Variants in GUCY2D observed in about 807,000 individuals in gnomAD.
GUCY2D encodes the protein guanylate cyclase 2D, retinal, also known as retinal guanylyl cyclase 1.
A neutral mutation model predicts 101.3 loss-of-function variants in GUCY2D; 70 were observed. That is an observed-to-expected ratio of 0.69 (90% confidence interval 0.57 to 0.84). The LOEUF (loss-of-function observed/expected upper bound fraction) is 0.84, where lower values mean the gene tolerates loss of function less well. Ranked by LOEUF, GUCY2D falls within the 40% of genes least tolerant of loss-of-function variation. The pLI is 0.00. For synonymous variants in GUCY2D, 688 were observed against 670.7 expected (o/e 1.03, Z -0.40); for missense variants, 1,460 against 1,542.5 (o/e 0.95, Z 0.90).
At position 8,011,762 on chromosome 17, in the gene GUCY2D, A is replaced by G. The variant is rs185569607; in HGVS notation, c.1750-382A>G. Among the ~76,000 whole-genome samples, 19 of 152,238 alleles carry G rather than the reference A, an allele frequency of 1.2e-4. No individual in the cohort carries two copies. Among genetic ancestry groups the G allele is most frequent in the African/African-American group, 4.6e-4 (19 of 41,540 alleles). ...GAGGATCACTTGAACCAAGGAATGA[A>G]AGGTAGCAGTGATTTATGATCATGC... On this transcript the variant is annotated intron_variant, in intron 8 of 19. Coordinates refer to ENST00000254854, the MANE Select transcript of GUCY2D (RefSeq NM_000180.4). The surrounding 1 kb of genome is among the most constrained non-coding windows in gnomAD (Gnocchi z 4.3).
intron 19 of GUCY2D, among the ~76,000 whole-genome samples, chr17:8,019,919 C>T (rs1174403418): frequency 1.3e-5 from 2 of 152,138 alleles, no homozygotes; most frequent in Non-Finnish European, 1.5e-5. Flanking sequence ...TGTGTTTACA[C>T]TACCTCTGCC....
At chr17:8,016,046 C>T (rs991275528) in intron 17 of GUCY2D, 25 bp downstream of exon 17, 3 of 1,566,898 alleles carry the variant, frequency 1.9e-6, no homozygotes, top group African/African-American at 2.7e-5. Flanking sequence ...CAACCCCTCC[C>T]GGAGGCCCCG....
intron 17 of GUCY2D, 41 bp downstream of exon 17, chr17:8,016,062 T>C (rs1598151720): frequency 6.6e-7 from 1 of 1,525,516 alleles, no homozygotes; most frequent in Non-Finnish European, 9.0e-7. Flanking sequence ...CCCCGCCCTG[T>C]CCTGAGGCAC....
intron 8 of GUCY2D, among the ~76,000 whole-genome samples, chr17:8,010,757 C>T (rs1000299743): frequency 3.5e-5 from 5 of 144,442 alleles, no homozygotes; most frequent in South Asian, 4.4e-4. Flanking sequence ...TGCAGTAAGC[C>T]GAGATCGCGG....
At chr17:8,016,153 C>T (rs1030743177) in intron 17 of GUCY2D, 52 bp from the exon 18 acceptor site, 52 of 1,358,854 alleles carry the variant, frequency 3.8e-5, no homozygotes, top group Non-Finnish European at 5.3e-5. Context: ...TCGAGATCCC[C>T]CACCCCTCAC....
rs1321356179 is a variant in GUCY2D, at chr17:8,006,481, T to C, written c.1145T>C (p.Ile382Thr). 1 of 1,607,384 alleles carries C rather than the reference T, an allele frequency of 6.2e-7. No individual in the cohort carries two copies. The highest frequency in any genetic ancestry group is 1.7e-5 in the Admixed American group (1 of 60,006). ...WVSGAAVARH[I>T]RDAQVPGFCG... ...TCCGGAGCAGCTGTGGCCCGCCACA[T>C]CCGGGATGCGCAGGTCCCTGGCTTC... Residue 382 changes from isoleucine to threonine, a missense_variant, in exon 4 of 20, where the codon ATC becomes ACC. Transcript: ENST00000254854.
In GUCY2D at chr17:8,007,098, G is replaced by A. The variant is rs770119513; in HGVS notation, c.1417G>A (p.Val473Met). ...PGLVFLGFLL[V>M]VGMGLAGAFL... ...CCTCGTCTTTCTTGGCTTCCTCCTGGTGGTTGGGATGGGGCTGGCTGGGGC... is the reference window on the plus strand; with the variant it reads ...CCTCGTCTTTCTTGGCTTCCTCCTGATGGTTGGGATGGGGCTGGCTGGGGC... Residue 473 changes from valine to methionine, a missense_variant, in exon 5 of 20, where the codon GTG (valine) becomes ATG (methionine). By Grantham distance (21) the Val-to-Met change is conservative (BLOSUM62 1). This residue lies in a region of GUCY2D where 1,196 missense variants were observed against 1,229.6 expected (regional missense o/e 0.97). Transcript: ENST00000254854. The A allele has an allele frequency of 2.5e-6, 4 of 1,614,192 alleles. No homozygotes were observed. In the East Asian group the frequency reaches 6.7e-5, roughly 27 times the overall value.
chr17:8,013,134 G>C lies in GUCY2D; in HGVS notation c.2145G>C (p.Arg715Ser). The stretch of plus-strand genomic sequence containing the variant: ...TGTGGACAGCCCCGGAGCTGCTTAG[G>C]GACCCAGCCCTGGAGCGCCGGGGAA... The part of the protein sequence containing the change: ...DQLWTAPELL[R>S]DPALERRGTL... The change falls in exon 11 of 20, where the codon AGG becomes AGC. Residue 715 changes from arginine to serine, a missense_variant. Arg to Ser is a moderately radical substitution (Grantham distance 110). Transcript: ENST00000254854. This position sits in a 1 kb window ranked among gnomAD's most constrained non-coding sequence, Gnocchi z 5.0. The C allele has an allele frequency of 6.2e-7, 1 of 1,613,642 alleles. No individual in the cohort carries two copies. The highest frequency in any genetic ancestry group is 8.5e-7 in the Non-Finnish European group (1 of 1,179,974).
chr17:8,006,629 T>C lies in GUCY2D; in HGVS notation c.1293T>C (p.Gly431=). ...CCCGGGGCTCCTTCCTCTCCGCCGG[T>C]ACCCGGATGCACTTCCCGCGTGGGG... is the stretch of plus-strand genomic sequence containing the variant. ...DPARGSFLSA[G]TRMHFPRGGS... The change falls in exon 4 of 20, where the codon GGT becomes GGC. Residue 431 remains glycine, a synonymous_variant. Transcript: ENST00000254854. 6.2e-7 allele frequency: 1 copy of C among 1,612,968 alleles called. No homozygotes were observed. Among genetic ancestry groups the C allele is most frequent in the Non-Finnish European group, 8.5e-7 (1 of 1,179,666 alleles).
At position 8,002,788 on chromosome 17, in the gene GUCY2D, A is replaced by G. The variant is rs1975649656; in HGVS notation, c.-10+54A>G. ...TAGGGTCGGTCTGAGGGCGCAGGCG[A>G]GTCCCTGCTGACCCCTGACGCCTCC... On this transcript the variant is annotated intron_variant, in intron 1 of 19. Coordinates refer to ENST00000254854, the MANE Select transcript of GUCY2D (RefSeq NM_000180.4). The surrounding 1 kb of genome is among the most constrained non-coding windows in gnomAD (Gnocchi z 4.9). 1 of 487,934 alleles carries G rather than the reference A, an allele frequency of 2.0e-6. No homozygotes were observed. Among genetic ancestry groups the G allele is most frequent in the Non-Finnish European group, 3.6e-6 (1 of 277,180 alleles). The allele number at this position is 487,934 out of a possible 1,614,324, so 30.2% of individuals were successfully genotyped here.
Position 8,007,054 on chromosome 17 carries a change from C to T in GUCY2D, c.1379-6C>T, listed in dbSNP as rs1221128063. On this transcript the variant is annotated splice_polypyrimidine_tract_variant and splice_region_variant and intron_variant, in intron 4 of 19. Coordinates refer to ENST00000254854, the MANE Select transcript of GUCY2D (RefSeq NM_000180.4). Reference sequence around the variant, plus strand: ...CTCAGTATACCTCCTGTCACTGTCCCTTCAGGACTGGAGCCGGGCCTCGTC... The same window carrying T: ...CTCAGTATACCTCCTGTCACTGTCCTTTCAGGACTGGAGCCGGGCCTCGTC... 2 of 1,612,624 alleles carry T rather than the reference C, an allele frequency of 1.2e-6. No homozygotes were observed. The highest frequency in any genetic ancestry group is 1.1e-5 in the South Asian group (1 of 91,062).
rs1975926047 is a variant in GUCY2D at position 8,014,681 on chromosome 17, G to A, written c.2493G>A (p.Leu831=). 1.9e-6 allele frequency: 3 copies of A among 1,614,022 alleles called. No individual in the cohort carries two copies. The highest frequency in any genetic ancestry group is 2.5e-6 in the Non-Finnish European group (3 of 1,179,930). ...TGCTGGAGCAGTACTCTAGTAACCT[G>A]GAGGATCTGATCCGGGAGCGCACGG... ...LRMLEQYSSN[L]EDLIRERTEE... Residue 831 remains leucine (L), a synonymous_variant, in exon 13 of 20, where the codon CTG becomes CTA. Transcript: ENST00000254854. The surrounding 1 kb of genome is among the most constrained non-coding windows in gnomAD (Gnocchi z 4.0).
rs1975901096 is a variant in GUCY2D, at chr17:8,013,652, C to T, written c.2264-228C>T. On this transcript the variant is annotated intron_variant, in intron 11 of 19. Coordinates refer to ENST00000254854, the MANE Select transcript of GUCY2D (RefSeq NM_000180.4). The surrounding 1 kb of genome is among the most constrained non-coding windows in gnomAD (Gnocchi z 5.0). ...TACATACAATATGTTAGTTTCTTTGCCTATGTCACCTCTTACTGACCCCCA... is the reference window on the plus strand; with the variant it reads ...TACATACAATATGTTAGTTTCTTTGTCTATGTCACCTCTTACTGACCCCCA... 1 of 597,132 alleles carries T rather than the reference C, an allele frequency of 1.7e-6. No homozygotes were observed. The highest frequency in any genetic ancestry group is 3.0e-6 in the Non-Finnish European group (1 of 335,114). 37.0% of individuals were successfully genotyped at this position (597,132 alleles called of 1,614,324 possible).
chr17:8,006,908 C>T, intron 4 of GUCY2D, 152 bp from the exon 5 acceptor site: 2 of 807,010 alleles, frequency 2.5e-6, no homozygotes, highest in South Asian at 1.5e-5. Context: ...CATTCCCAGC[C>T]TCTCCCCTTT....
chr17:8,009,536 G>A lies in GUCY2D; in HGVS notation c.1699G>A (p.Gly567Arg), dbSNP rs756639026. ...GDRVWLKKFP[G>R]DQHIAIRPAT... The stretch of plus-strand genomic sequence containing the variant: ...CAGGGTTTGGCTGAAGAAATTCCCA[G>A]GGGATCAGCACATAGCTATCCGCCC... The change falls in exon 8 of 20, where the codon GGG (glycine) becomes AGG (arginine). Residue 567 changes from glycine (G) to arginine (R), a missense_variant. Around this residue, in one of 3 missense-constraint regions of GUCY2D, gnomAD observed 1,196 missense variants for 1,229.6 expected, o/e 0.97. Transcript: ENST00000254854. The A allele has an allele frequency of 1.2e-6, 2 of 1,613,892 alleles. No individual in the cohort carries two copies. Among genetic ancestry groups the A allele is most frequent in the South Asian group, 1.1e-5 (1 of 91,074 alleles).
chr17:8,018,516 G>C (rs1182133014), intron 19 of GUCY2D, among the ~76,000 whole-genome samples: 1 of 152,082 alleles, frequency 6.6e-6, no homozygotes, highest in Admixed American at 6.5e-5. Context: ...AATTTCTTTT[G>C]TTTGGCCTAT....
chr17:8,007,329 CT>C, intron 5 of GUCY2D, 96 bp from the exon 6 acceptor site: 1 of 964,446 alleles, frequency 1.0e-6, no homozygotes, highest in Non-Finnish European at 1.7e-6. Flanking sequence ...TCCAGGACCC[CT>C]CCCCTGAGCC....
intron 8 of GUCY2D, among the ~76,000 whole-genome samples, chr17:8,009,850 C>A (rs912323534): frequency 6.6e-6 from 1 of 152,030 alleles, no homozygotes; most frequent in East Asian, 1.9e-4. Context: ...GCGTTACATG[C>A]CTGTAGTCCC....
chr17:8,003,613 C>T lies in GUCY2D; in HGVS notation c.566C>T (p.Ala189Val), dbSNP rs375259185. 40 of 1,588,762 alleles carry T rather than the reference C, an allele frequency of 2.5e-5. No individual in the cohort carries two copies. Among genetic ancestry groups the T allele is most frequent in the Non-Finnish European group, 3.3e-5 (39 of 1,173,720 alleles). Residue 189 changes from alanine (A) to valine (V), a missense_variant, in exon 2 of 20, where the codon GCC (alanine) becomes GTC (valine). Transcript: ENST00000254854. ...FGWARVALVT[A>V]PQDLWVEAGR... ...TGGGCGCGCGTGGCCCTGGTCACCG[C>T]CCCCCAGGACCTGTGGGTGGAGGCG...
Sources: gnomAD v4.1 joint callset for allele counts (sites outside exome capture counted in the v4.1 genomes callset) on GRCh38, gnomAD v4.1.1 for gene constraint, gnomAD v4.1.1 regional missense constraint, Gnocchi (gnomAD v3.1) non-coding constraint, MANE v1.5 for transcripts, NCBI Gene and HGNC (gene_info 2026-07-23, HGNC 2026-07-21) for gene names.